The following ST14 variants were observed in gnomAD, a reference collection of about 807,000 sequenced individuals.
ST14 encodes suppressor of tumorigenicity 14 protein.
Under a neutral mutation model 96.5 loss-of-function variants are expected in ST14, and 40 were observed. That is an observed-to-expected ratio of 0.41 (90% CI 0.32 to 0.54). The LOEUF (loss-of-function observed/expected upper bound fraction) is 0.54. ST14 is among the 20% of genes least tolerant of loss of function. ST14 has a pLI of 0.17. For synonymous variants in ST14, 506 were observed against 492.1 expected (o/e 1.03, Z -0.37); for missense variants, 1,066 against 1,188.9 (o/e 0.90, Z 1.52).
At chr11:130,206,816 C>G (rs901165081) in intron 16 of ST14, among the ~76,000 whole-genome samples, 4 of 152,178 alleles carry the variant, frequency 2.6e-5, no homozygotes, top group Non-Finnish European at 4.4e-5. Context: ...GATCCACCCA[C>G]CTCGGCCTCC....
At position 130,188,498 on chromosome 11, in the gene ST14, C is replaced by T. The variant is rs373778815; in HGVS notation, c.242-32C>T. ...GGGACAGGCGGGGGTGGTACCACCTCCCCTGACTGAGCGCCTTCTGGTCTC... is the reference window on the plus strand; with the variant it reads ...GGGACAGGCGGGGGTGGTACCACCTTCCCTGACTGAGCGCCTTCTGGTCTC... On this transcript the variant is annotated intron_variant, in intron 2 of 18. Transcript: ENST00000278742. This position sits in a 1 kb window ranked among gnomAD's most constrained non-coding sequence, Gnocchi z 5.4. 14 of 1,611,174 alleles carry T rather than the reference C, an allele frequency of 8.7e-6. No individual in the cohort carries two copies. The highest frequency in any genetic ancestry group is 1.2e-5 in the Non-Finnish European group (14 of 1,179,850).
At position 130,188,082 on chromosome 11, in the gene ST14, G is replaced by C. The variant is rs763828142; in HGVS notation, c.82-32G>C. 6 of 1,613,294 alleles carry C rather than the reference G, an allele frequency of 3.7e-6. No homozygotes were observed. The South Asian group carries it at 4.4e-5, about 12-fold the overall frequency. ...GGGTGCAGGGGAAGAGCGGGTGAGA[G>C]GGTCTGAGTGGTGGCGCCTCTCTCC... On this transcript the variant is annotated intron_variant, in intron 1 of 18. Transcript: ENST00000278742. This position sits in a 1 kb window ranked among gnomAD's most constrained non-coding sequence, Gnocchi z 5.4.
chr11:130,196,547 C>A, intron 10 of ST14, 23 bp from the exon 11 acceptor site: 1 of 1,509,510 alleles, frequency 6.6e-7, no homozygotes, highest in Non-Finnish European at 9.0e-7. Context: ...CCCTCCTCAC[C>A]TTGTGCCCCG....
Position 130,180,500 on chromosome 11 carries a change from T to C in ST14, c.82-7614T>C, listed in dbSNP as rs1953182230. 2.0e-5 allele frequency among the ~76,000 whole-genome samples: 3 copies of C among 152,158 alleles called. No individual in the cohort carries two copies. The South Asian group carries it at 6.2e-4, about 32-fold the overall frequency. On this transcript the variant is annotated intron_variant, in intron 1 of 18. Coordinates refer to ENST00000278742, the MANE Select transcript of ST14 (RefSeq NM_021978.4). ...TGTTGTTGGTAAGTGTAGGGGCCCT[T>C]CCCCATTGCTTTTCTCTAAGGATAA... is the stretch of plus-strand genomic sequence containing the variant.
At chr11:130,172,506 C>A (rs1457622836) in intron 1 of ST14, among the ~76,000 whole-genome samples, 1 of 150,904 alleles carries the variant, frequency 6.6e-6, no homozygotes, top group Non-Finnish European at 1.5e-5. Flanking sequence ...CAAGCTCTGC[C>A]TCCCAGGTTC....
chr11:130,193,119 C>A (rs1304267336), intron 7 of ST14, among the ~76,000 whole-genome samples: 1 of 147,626 alleles, frequency 6.8e-6, no homozygotes. Flanking sequence ...TTTTTTGAGT[C>A]TCCTTGTCAC....
At chr11:130,175,058 G>A (rs998071606) in intron 1 of ST14, among the ~76,000 whole-genome samples, 8 of 152,182 alleles carry the variant, frequency 5.3e-5, no homozygotes, top group Non-Finnish European at 1.0e-4. Context: ...AGGTTAGGTG[G>A]TACTCCTAAC....
chr11:130,196,866 C>A, intron 11 of ST14, 166 bp downstream of exon 11: 1 of 997,578 alleles, frequency 1.0e-6, no homozygotes, highest in Non-Finnish European at 1.5e-6. Flanking sequence ...ACCTTTGATG[C>A]ATTAATGAAA....
At position 130,208,314 on chromosome 11, in the gene ST14, T is replaced by G. The variant is rs1953508899; in HGVS notation, c.1995-96T>G. ...GTCTTCTCGTAGCAGCAGCTGTGCC[T>G]CATCCATGCGGAATCCTCTGGGAAC... is the stretch of plus-strand genomic sequence containing the variant. On this transcript the variant is annotated intron_variant, in intron 16 of 18. Coordinates refer to ENST00000278742, the MANE Select transcript of ST14 (RefSeq NM_021978.4). 1.9e-6 allele frequency: 3 copies of G among 1,558,464 alleles called. No individual in the cohort carries two copies. In the South Asian group the frequency reaches 3.4e-5, roughly 17 times the overall value.
chr11:130,166,097 C>T (rs1953038560), intron 1 of ST14, among the ~76,000 whole-genome samples: 2 of 152,214 alleles, frequency 1.3e-5, no homozygotes, highest in South Asian at 4.1e-4. Context: ...GGTTCCTTAG[C>T]TGGTGGACCA....
intron 1 of ST14, among the ~76,000 whole-genome samples, chr11:130,166,124 T>A (rs1210685637): frequency 2.0e-5 from 3 of 152,256 alleles, no homozygotes; most frequent in Non-Finnish European, 2.9e-5. Context: ...CAGCTGGAGT[T>A]GTGATTTCAA....
intron 7 of ST14, among the ~76,000 whole-genome samples, chr11:130,191,497 C>T (rs1422969789): frequency 6.6e-6 from 1 of 151,880 alleles, no homozygotes; most frequent in African/African-American, 2.4e-5. Context: ...TGAGACCAGT[C>T]AAGCCAACCT....
intron 1 of ST14, among the ~76,000 whole-genome samples, chr11:130,171,734 A>G (rs1422656122): frequency 6.6e-6 from 1 of 152,270 alleles, no homozygotes; most frequent in African/African-American, 2.4e-5. Context: ...CTGTTCACTC[A>G]GGAGGCAGAG....
In ST14 at chr11:130,188,067, G is replaced by T; in HGVS notation, c.82-47G>T. Reference sequence around the variant, plus strand: ...ACATCTTCCCCAGCGGGGTGCAGGGGAAGAGCGGGTGAGAGGGTCTGAGTG... The same window carrying T: ...ACATCTTCCCCAGCGGGGTGCAGGGTAAGAGCGGGTGAGAGGGTCTGAGTG... On this transcript the variant is annotated intron_variant, in intron 1 of 18. Transcript: ENST00000278742. This position sits in a 1 kb window ranked among gnomAD's most constrained non-coding sequence, Gnocchi z 5.4. 6.2e-7 allele frequency: 1 copy of T among 1,610,868 alleles called. No individual in the cohort carries two copies. The highest frequency in any genetic ancestry group is 8.5e-7 in the Non-Finnish European group (1 of 1,178,450).
chr11:130,191,796 C>T (rs1953305908), intron 7 of ST14, among the ~76,000 whole-genome samples: 1 of 151,942 alleles, frequency 6.6e-6, no homozygotes, highest in African/African-American at 2.4e-5. Flanking sequence ...TTTCAGTAGG[C>T]TCCGGGGCAT....
At chr11:130,195,854 A>G (rs1484024596) in intron 9 of ST14, among the ~76,000 whole-genome samples, 8 of 4,622 alleles carry the variant, frequency 1.7e-3, no homozygotes, top group East Asian at 0.045. Context: ...CTTTGTCTCA[A>G]AAAAAAAAAA....
At position 130,187,742 on chromosome 11, in the gene ST14, G is replaced by A. The variant is rs1464665832; in HGVS notation, c.82-372G>A. ...TGGGCCTGGGCTGGGGCCACTCTCC[G>A]GGGCACCCACCTACGTCAAAGGTGA... On this transcript the variant is annotated intron_variant, in intron 1 of 18. Coordinates refer to ENST00000278742, the MANE Select transcript of ST14 (RefSeq NM_021978.4). The surrounding 1 kb of genome is among the most constrained non-coding windows in gnomAD (Gnocchi z 4.5). Among the ~76,000 whole-genome samples the A allele has an allele frequency of 2.6e-5, 4 of 152,140 alleles. No individual in the cohort carries two copies. The highest frequency in any genetic ancestry group is 5.9e-5 in the Non-Finnish European group (4 of 68,028).
At chr11:130,168,916 T>C (rs932054803) in intron 1 of ST14, among the ~76,000 whole-genome samples, 21 of 152,002 alleles carry the variant, frequency 1.4e-4, no homozygotes, top group African/African-American at 4.8e-4. Context: ...GATCCCTGGG[T>C]CCACCAAGTC....
intron 4 of ST14, chr11:130,189,474 A>G (rs1197362891): frequency 2.0e-5 from 11 of 554,952 alleles, no homozygotes; most frequent in South Asian, 1.3e-4. Context: ...CCAAACTCCA[A>G]TGGGTTTCCC....
Sources: gnomAD v4.1 joint callset for allele counts (sites outside exome capture counted in the v4.1 genomes callset) on GRCh38, gnomAD v4.1.1 for gene constraint, Gnocchi (gnomAD v3.1) non-coding constraint, MANE v1.5 for transcripts, NCBI Gene and HGNC (gene_info 2026-07-23, HGNC 2026-07-21) for gene names.